The following VPS28 variants were observed in gnomAD, a reference collection of about 807,000 sequenced individuals.
VPS28 encodes VPS28 subunit of ESCRT-I.
Under a neutral mutation model 33.7 loss-of-function variants are expected in VPS28, and 29 were observed. The observed-to-expected ratio is 0.86, with a 90% CI of 0.64 to 1.17. The LOEUF is 1.17. VPS28 is among the 50% of genes most tolerant of loss of function. The pLI, the probability that VPS28 is intolerant of heterozygous loss-of-function variation, is 0.00. For synonymous variants in VPS28, 164 were observed against 116.7 expected (o/e 1.40, Z -2.61); for missense variants, 247 against 312.2 (o/e 0.79, Z 1.57).
intron 1 of VPS28, among the ~76,000 whole-genome samples, chr8:144,428,146 G>A (rs1554877337): frequency 2.0e-5 from 3 of 152,178 alleles, no homozygotes; most frequent in East Asian, 1.9e-4. Context: ...CTCTCCGAGG[G>A]TCGAGGCCAT....
chr8:144,423,620 G>A lies in VPS28; in HGVS notation c.*185C>T. On this transcript the variant is annotated 3_prime_UTR_variant, in exon 10 of 10. Coordinates refer to ENST00000292510, the MANE Select transcript of VPS28 (RefSeq NM_016208.4). ...CCTGGGGGAGCCACCCAAGCAGGAAGGTCGGAGAGCATCTTTATTGTGGGG... is the reference window on the plus strand; with the variant it reads ...CCTGGGGGAGCCACCCAAGCAGGAAAGTCGGAGAGCATCTTTATTGTGGGG... 1 of 739,172 alleles carries A rather than the reference G, an allele frequency of 1.4e-6. No homozygotes were observed. The highest frequency in any genetic ancestry group is 2.2e-6 in the Non-Finnish European group (1 of 448,006). The allele number at this position is 739,172 out of a possible 1,614,324, so 45.8% of individuals were successfully genotyped here.
rs201421940 is a variant in VPS28, at chr8:144,423,937, C to T, written c.549-15G>A. ...GGGTCTGCAGCCTGGGAGTGCAGCA[C>T]AGGGCATGTGGGGGCTGAGGGCCTC... is the stretch of plus-strand genomic sequence containing the variant. On this transcript the variant is annotated splice_polypyrimidine_tract_variant and intron_variant, in intron 9 of 9. Coordinates refer to ENST00000292510, the MANE Select transcript of VPS28 (RefSeq NM_016208.4). 1.2e-6 allele frequency: 2 copies of T among 1,613,094 alleles called. No homozygotes were observed. The highest frequency in any genetic ancestry group is 1.3e-5 in the African/African-American group (1 of 75,068).
rs1171732092 is a variant in VPS28, at chr8:144,423,943, A to G, written c.549-21T>C. On this transcript the variant is annotated intron_variant, in intron 9 of 9. Transcript: ENST00000292510. Reference sequence around the variant, plus strand: ...GCAGCCTGGGAGTGCAGCACAGGGCATGTGGGGGCTGAGGGCCTCAGGGGC... The same window carrying G: ...GCAGCCTGGGAGTGCAGCACAGGGCGTGTGGGGGCTGAGGGCCTCAGGGGC... 3.1e-6 allele frequency: 5 copies of G among 1,612,988 alleles called. No individual in the cohort carries two copies. The South Asian group carries it at 3.3e-5, about 11-fold the overall frequency.
intron 4 of VPS28, 100 bp downstream of exon 4, chr8:144,425,926 C>CG: frequency 3.4e-6 from 5 of 1,477,352 alleles, no homozygotes; most frequent in Non-Finnish European, 4.5e-6. Context: ...ACTGACCCTG[C>CG]GTCCTCCCAC....
intron 1 of VPS28, among the ~76,000 whole-genome samples, 180 bp downstream of exon 1, chr8:144,428,306 AAAC>A (rs1586674044): frequency 6.6e-6 from 1 of 152,372 alleles, no homozygotes; most frequent in East Asian, 1.9e-4. Context: ...CAAATGTGCA[AAAC>A]AACCTCGCAG....
chr8:144,424,692 C>T (rs1554876204), intron 7 of VPS28, 26 bp downstream of exon 7: 1 of 1,607,324 alleles, frequency 6.2e-7, no homozygotes, highest in South Asian at 1.1e-5. Flanking sequence ...CTCTCCTAAC[C>T]ACGTGCCCTG....
intron 7 of VPS28, 162 bp downstream of exon 7, chr8:144,424,556 C>A: frequency 1.1e-6 from 1 of 883,092 alleles, no homozygotes; most frequent in Admixed American, 2.5e-5. Context: ...TGGGGGCGTC[C>A]CCGCATGCTG....
chr8:144,425,349 G>A (rs1282469173), intron 5 of VPS28: 3 of 570,686 alleles, frequency 5.3e-6, no homozygotes, highest in Non-Finnish European at 9.4e-6. Context: ...GTCCTGTGCG[G>A]TGGCCTGTGA....
chr8:144,426,762 G>A, intron 2 of VPS28, 147 bp downstream of exon 2: 1 of 809,320 alleles, frequency 1.2e-6, no homozygotes, highest in Non-Finnish European at 1.9e-6. Context: ...CAGTGCTCCT[G>A]CAATGAACTA....
chr8:144,424,789 T>G lies in VPS28; in HGVS notation c.331A>C (p.Lys111Gln). 1.9e-6 allele frequency: 3 copies of G among 1,613,642 alleles called. No homozygotes were observed. The highest frequency in any genetic ancestry group is 2.5e-6 in the Non-Finnish European group (3 of 1,179,960). The part of the protein sequence containing the change: ...LDCPLAMERI[K>Q]EDRPITIKDD... ...TTGATGGTGATGGGCCGGTCCTCCTTGATCCGCTCCATGGCCAGCGGGCAG... is the reference window on the plus strand; with the variant it reads ...TTGATGGTGATGGGCCGGTCCTCCTGGATCCGCTCCATGGCCAGCGGGCAG... Residue 111 changes from lysine (K) to glutamine (Q), a missense_variant, in exon 7 of 10, where the codon AAG becomes CAG. Around this residue, in one of 3 missense-constraint regions of VPS28, gnomAD observed 149 missense variants for 172.8 expected, o/e 0.86. Transcript: ENST00000292510.
rs782225823 is a variant in VPS28, at chr8:144,425,806, G to C, written c.105-34C>G. The stretch of plus-strand genomic sequence containing the variant: ...ACACCTGTCTATCGGGCCAGGCCCC[G>C]GGGTGCCAAGCCTAGAGCCCAGAGT... On this transcript the variant is annotated intron_variant, in intron 4 of 9. Transcript: ENST00000292510. The C allele has an allele frequency of 2.5e-6, 4 of 1,612,846 alleles. No homozygotes were observed. In the South Asian group the frequency reaches 4.4e-5, roughly 18 times the overall value.
In VPS28 at chr8:144,424,167, G is replaced by C. The variant is rs782631881; in HGVS notation, c.457-35C>G. The C allele has an allele frequency of 1.3e-5, 21 of 1,556,948 alleles. No homozygotes were observed. The South Asian group carries it at 2.5e-4, about 19-fold the overall frequency. ...ACACAGCGGCTGGGACCCCGACGCC[G>C]GCTCCATCCCCTCCTGCCTAGGCCC... is the stretch of plus-strand genomic sequence containing the variant. On this transcript the variant is annotated intron_variant, in intron 8 of 9. Transcript: ENST00000292510.
Position 144,425,639 on chromosome 8 carries a change from GC to G in VPS28, c.194+43del, listed in dbSNP as rs782481078. Reference sequence around the variant, plus strand: ...CTCTTGCTGCCTATGGAGCACCCAAGCCCCCCAGGGCAGGAACAGACCTCCC... The same window carrying G: ...CTCTTGCTGCCTATGGAGCACCCAAGCCCCCAGGGCAGGAACAGACCTCCC... On this transcript the variant is annotated intron_variant, in intron 5 of 9. Coordinates refer to ENST00000292510, the MANE Select transcript of VPS28 (RefSeq NM_016208.4). The G allele has an allele frequency of 3.7e-6, 6 of 1,601,810 alleles. No individual in the cohort carries two copies. In the African/African-American group the frequency reaches 8.0e-5, roughly 21 times the overall value.
chr8:144,424,025 T>C lies in VPS28; in HGVS notation c.548+16A>G. 1 of 1,594,568 alleles carries C rather than the reference T, an allele frequency of 6.3e-7. No individual in the cohort carries two copies. The highest frequency in any genetic ancestry group is 8.6e-7 in the Non-Finnish European group (1 of 1,167,246). ...CGGGCACTGCGGGGCTCTGCCTGGC[T>C]GGGAGGGACACCCACCACTGGCTGA... On this transcript the variant is annotated intron_variant, in intron 9 of 9. Coordinates refer to ENST00000292510, the MANE Select transcript of VPS28 (RefSeq NM_016208.4).
Position 144,426,054 on chromosome 8 carries a change from A to G in VPS28, c.76T>C (p.Leu26=). The change falls in exon 4 of 10, where the codon TTG becomes CTG. Residue 26 remains leucine, a synonymous_variant. Transcript: ENST00000292510. ...TCCCTCTCCCGGGCGTTCTTGTACA[A>G]CTTCACTTCCTGCCGGAGAGAGCGG... ...NKPELYEEVK[L]YKNAREREKY... The G allele has an allele frequency of 6.5e-7, 1 of 1,540,018 alleles. No individual in the cohort carries two copies. The highest frequency in any genetic ancestry group is 8.8e-7 in the Non-Finnish European group (1 of 1,137,798).
At chr8:144,423,944 T>TGTG (rs1466774197) in intron 9 of VPS28, 22 bp from the exon 10 acceptor site, 1 of 1,612,946 alleles carries the variant, frequency 6.2e-7, no homozygotes, top group African/African-American at 1.3e-5. Context: ...GCACAGGGCA[T>TGTG]GTGGGGGCTG....
At chr8:144,427,457 G>T (rs1822854682) in intron 1 of VPS28, among the ~76,000 whole-genome samples, 1 of 152,158 alleles carries the variant, frequency 6.6e-6, no homozygotes, top group Non-Finnish European at 1.5e-5. Flanking sequence ...AGGTACTATG[G>T]ACACTCAGGA....
Position 144,426,980 on chromosome 8 carries a change from C to A in VPS28, c.-34-1G>T, listed in dbSNP as rs1383519644. On this transcript the variant is annotated splice_acceptor_variant, in intron 1 of 9. Coordinates refer to ENST00000292510, the MANE Select transcript of VPS28 (RefSeq NM_016208.4). LOFTEE classifies it low-confidence loss of function (5UTR_SPLICE). ...TCTGGGGGGGGCACAGCACTGAGAC[C>A]TGGGGAGCAGAGCCAGGGCCGACTC... 12 of 1,610,186 alleles carry A rather than the reference C, an allele frequency of 7.5e-6. No individual in the cohort carries two copies. Among genetic ancestry groups the A allele is most frequent in the Admixed American group, 1.7e-5 (1 of 59,694 alleles).
chr8:144,424,920 TG>T, intron 6 of VPS28, 25 bp downstream of exon 6: 1 of 1,602,460 alleles, frequency 6.2e-7, no homozygotes. Flanking sequence ...TCTCGCCCCA[TG>T]GGGGTGGAAG....
Sources: gnomAD v4.1 joint callset for allele counts (sites outside exome capture counted in the v4.1 genomes callset) on GRCh38, gnomAD v4.1.1 for gene constraint, gnomAD v4.1.1 regional missense constraint, MANE v1.5 for transcripts, NCBI Gene and HGNC (gene_info 2026-07-23, HGNC 2026-07-21) for gene names.